Variants in CSMD1 observed in about 807,000 individuals in gnomAD.
CSMD1 encodes the protein CUB and sushi domain-containing protein 1.
Under a neutral mutation model 417.5 loss-of-function variants are expected in CSMD1, and 213 were observed. The ratio of observed to expected loss-of-function variants is 0.51; its 90% CI spans 0.46 to 0.57. The LOEUF is 0.57. CSMD1 is among the 20% of genes least tolerant of loss of function. CSMD1 has a pLI of 0.00. For missense variants in CSMD1, 6,923 were observed against 4,529.7 expected, an observed-to-expected ratio of 1.53 and a Z score of -15.17; for synonymous variants, 2,862 against 1,736.8, an observed-to-expected ratio of 1.65 and a Z score of -16.11.
intron 47 of CSMD1, among the ~76,000 whole-genome samples, chr8:3,092,807 C>G (rs1273533407): frequency 6.6e-6 from 1 of 152,158 alleles, no homozygotes; most frequent in African/African-American, 2.4e-5. Flanking sequence ...GTAATGAGCT[C>G]AGCATTATCT....
intron 1 of CSMD1, among the ~76,000 whole-genome samples, chr8:4,881,799 T>C (rs1333455238): frequency 1.3e-5 from 2 of 152,050 alleles, no homozygotes; most frequent in Non-Finnish European, 2.9e-5. Context: ...CTGCATGGAA[T>C]AAGATGATTT....
chr8:4,521,763 G>C (rs1373721470), intron 2 of CSMD1, among the ~76,000 whole-genome samples: 1 of 152,120 alleles, frequency 6.6e-6, no homozygotes, highest in Admixed American at 6.6e-5. Flanking sequence ...ATTAGAGAAA[G>C]CTCTTCACTG....
chr8:3,958,069 T>C (rs1485208408), intron 5 of CSMD1, among the ~76,000 whole-genome samples: 1 of 152,240 alleles, frequency 6.6e-6, no homozygotes, highest in Non-Finnish European at 1.5e-5. Context: ...GTTCATGTGC[T>C]ATCTTAACTT....
chr8:2,963,089 G>C lies in CSMD1; in HGVS notation c.9454+133C>G, dbSNP rs941803961. 4 of 956,774 alleles carry C rather than the reference G, an allele frequency of 4.2e-6. No homozygotes were observed. The African/African-American group carries it at 4.9e-5, about 12-fold the overall frequency. 59.3% of individuals were successfully genotyped at this position (956,774 alleles called of 1,614,324 possible). ...CCTTAGGCAACACAGTCTCAAGTTTGAGTTTTTGTGTATTTTAGGGCTATT... is the reference window on the plus strand; with the variant it reads ...CCTTAGGCAACACAGTCTCAAGTTTCAGTTTTTGTGTATTTTAGGGCTATT... On this transcript the variant is annotated intron_variant, in intron 60 of 69. Transcript: ENST00000635120.
intron 7 of CSMD1, among the ~76,000 whole-genome samples, chr8:3,664,579 A>C (rs955862905): frequency 1.3e-5 from 2 of 152,224 alleles, no homozygotes; most frequent in African/African-American, 4.8e-5. Flanking sequence ...AAAGAGACTG[A>C]GGAGTTTTCC....
At chr8:3,759,505 T>A in intron 5 of CSMD1, among the ~76,000 whole-genome samples, 1 of 152,154 alleles carries the variant, frequency 6.6e-6, no homozygotes, top group Non-Finnish European at 1.5e-5. Flanking sequence ...TTTGGTTTTC[T>A]AATAAACAAA....
intron 1 of CSMD1, among the ~76,000 whole-genome samples, chr8:4,707,251 GTCC>G (rs1043965618): frequency 6.6e-6 from 1 of 152,238 alleles, no homozygotes; most frequent in South Asian, 2.1e-4. Context: ...TCTTACAACG[GTCC>G]TAGGAGGTAA....
chr8:4,907,104 T>C (rs1019570455), intron 1 of CSMD1, among the ~76,000 whole-genome samples: 1 of 152,218 alleles, frequency 6.6e-6, no homozygotes, highest in Non-Finnish European at 1.5e-5. Flanking sequence ...ACAGTTAAGA[T>C]AATTGCTGCT....
chr8:3,567,830 G>T (rs1234064661), intron 10 of CSMD1, among the ~76,000 whole-genome samples: 2 of 152,136 alleles, frequency 1.3e-5, no homozygotes, highest in African/African-American at 4.8e-5. Flanking sequence ...ACTATTTGCT[G>T]TATTAAATGA....
At chr8:4,312,634 T>TG (rs1309469466) in intron 3 of CSMD1, among the ~76,000 whole-genome samples, 2 of 123,760 alleles carry the variant, frequency 1.6e-5, no homozygotes, top group African/African-American at 6.1e-5. Context: ...CCCAACACTT[T>TG]GGGAGGCCGA....
At chr8:3,942,271 A>C (rs1810934931) in intron 5 of CSMD1, among the ~76,000 whole-genome samples, 1 of 152,118 alleles carries the variant, frequency 6.6e-6, no homozygotes. Flanking sequence ...CCATAAATGT[A>C]ATGCGCTTGA....
intron 2 of CSMD1, among the ~76,000 whole-genome samples, chr8:4,576,568 G>A (rs1435259572): frequency 6.6e-6 from 1 of 152,176 alleles, no homozygotes; most frequent in East Asian, 1.9e-4. Flanking sequence ...GGCAGGGGGT[G>A]GGGTGTGGCG....
intron 3 of CSMD1, among the ~76,000 whole-genome samples, chr8:4,201,469 C>T (rs1329427006): frequency 5.4e-5 from 7 of 130,634 alleles, no homozygotes; most frequent in Admixed American, 9.2e-5. Context: ...ACACGGGAGG[C>T]GGAGCTTGCA....
intron 3 of CSMD1, among the ~76,000 whole-genome samples, chr8:4,035,776 G>T (rs557913636): frequency 4.6e-5 from 7 of 152,088 alleles, no homozygotes; most frequent in Admixed American, 1.3e-4. Context: ...GTTATACTAA[G>T]CTTAATTTAT....
intron 3 of CSMD1, among the ~76,000 whole-genome samples, chr8:4,213,612 G>A (rs531781064): frequency 6.6e-6 from 1 of 152,202 alleles, no homozygotes; most frequent in Non-Finnish European, 1.5e-5. Flanking sequence ...TCAGCTTTCT[G>A]TTTTTAATGA....
At chr8:3,723,773 T>C (rs1390517862) in intron 6 of CSMD1, among the ~76,000 whole-genome samples, 2 of 152,184 alleles carry the variant, frequency 1.3e-5, no homozygotes, top group African/African-American at 4.8e-5. Flanking sequence ...TTGAAAGAGA[T>C]GCATAAAGTG....
chr8:2,997,425 C>T (rs1320970239), intron 54 of CSMD1, among the ~76,000 whole-genome samples: 1 of 152,196 alleles, frequency 6.6e-6, no homozygotes, highest in Non-Finnish European at 1.5e-5. Flanking sequence ...GCTTCAATTT[C>T]ATCTTAATAC....
intron 10 of CSMD1, among the ~76,000 whole-genome samples, chr8:3,499,531 C>G (rs974463444): frequency 1.3e-5 from 2 of 152,008 alleles, no homozygotes; most frequent in Admixed American, 1.3e-4. Context: ...GGCAGCAGTA[C>G]CCAAAAGGCC....
intron 5 of CSMD1, among the ~76,000 whole-genome samples, chr8:3,965,515 G>A (rs959205660): frequency 6.6e-6 from 1 of 152,172 alleles, no homozygotes; most frequent in African/African-American, 2.4e-5. Context: ...ACTATGGTTC[G>A]GCTGAAACAA....
Sources: gnomAD v4.1 joint callset for allele counts (sites outside exome capture counted in the v4.1 genomes callset) on GRCh38, gnomAD v4.1.1 for gene constraint, MANE v1.5 for transcripts, NCBI Gene and HGNC (gene_info 2026-07-23, HGNC 2026-07-21) for gene names.